Variants in ATG7 observed in about 807,000 individuals in gnomAD.
ATG7 encodes autophagy related 7.
ATG7 carries 70 observed loss-of-function variants against 82.4 expected under a neutral mutation model. The observed-to-expected ratio is 0.85, with a 90% CI of 0.70 to 1.04. The LOEUF (loss-of-function observed/expected upper bound fraction) is 1.04. Ranked by LOEUF, ATG7 falls within the 50% of genes least tolerant of loss-of-function variation. ATG7 has a pLI of 0.00. For missense variants in ATG7, 792 were observed against 864.3 expected, an observed-to-expected ratio of 0.92 and a Z score of 1.05; for synonymous variants, 287 against 313.0, an observed-to-expected ratio of 0.92 and a Z score of 0.88.
At chr3:11,355,416 A>G (rs1372851499) in intron 14 of ATG7, among the ~76,000 whole-genome samples, 1 of 152,232 alleles carries the variant, frequency 6.6e-6, no homozygotes, top group Admixed American at 6.5e-5. Context: ...TCTGCTTCTC[A>G]AAAGATGCCT....
chr3:11,540,623 A>T (rs2070733914), intron 20 of ATG7, among the ~76,000 whole-genome samples: 1 of 142,066 alleles, frequency 7.0e-6, no homozygotes, highest in African/African-American at 2.7e-5. Flanking sequence ...CTAGGGCAAC[A>T]CAGTGACACC....
chr3:11,511,646 G>T (rs1336554646), intron 20 of ATG7, among the ~76,000 whole-genome samples: 1 of 152,206 alleles, frequency 6.6e-6, no homozygotes, highest in Non-Finnish European at 1.5e-5. Context: ...GTGAGCAGGG[G>T]GTGGTGCTCG....
rs891107128 is a variant in ATG7 at position 11,488,547 on chromosome 3, C to G, written c.2079+61621C>G. 3.0e-6 allele frequency: 3 copies of G among 1,014,592 alleles called. No homozygotes were observed. In the African/African-American group the frequency reaches 5.1e-5, roughly 17 times the overall value. 62.8% of individuals were successfully genotyped at this position (1,014,592 alleles called of 1,614,324 possible). A position where few individuals can be genotyped will look rare whatever the true frequency, so the allele number is the denominator to read the frequency against. The stretch of plus-strand genomic sequence containing the variant: ...CGCACTGCCCCGGGCCGCAGCGCAG[C>G]GGCGCCAACCACCACCCGCGGCCAC... On this transcript the variant is annotated intron_variant, in intron 20 of 20. Transcript: ENST00000693202.
chr3:11,426,791 A>C lies in ATG7; in HGVS notation c.1957-13A>C, dbSNP rs202058873. On this transcript the variant is annotated splice_polypyrimidine_tract_variant and intron_variant, in intron 19 of 20. Coordinates refer to ENST00000693202, the MANE Select transcript of ATG7 (RefSeq NM_001349232.2). ...CTGGAGACTCCTTTTTAAAAAATGTAAATGTTTTACAGGTTCTTGATCAAT... is the reference window on the plus strand; with the variant it reads ...CTGGAGACTCCTTTTTAAAAAATGTCAATGTTTTACAGGTTCTTGATCAAT... The C allele has an allele frequency of 1.9e-6, 3 of 1,556,230 alleles. No homozygotes were observed. In the South Asian group the frequency reaches 3.7e-5, roughly 19 times the overall value.
At chr3:11,388,432 C>CT (rs111590381) in intron 19 of ATG7, among the ~76,000 whole-genome samples, 4,883 of 137,494 alleles carry the variant, frequency 0.036, 90 homozygotes, top group Middle Eastern at 0.074. Context: ...CATGTTCCTT[C>CT]TTTTTTTTTT....
At chr3:11,419,298 A>G (rs1000911432) in intron 19 of ATG7, among the ~76,000 whole-genome samples, 1 of 152,178 alleles carries the variant, frequency 6.6e-6, no homozygotes, top group Non-Finnish European at 1.5e-5. Context: ...AACACCTGTA[A>G]TCCCAGCACT....
rs557713175 is a variant in ATG7 at position 11,495,636 on chromosome 3, G to A, written c.2080-59175G>A. ...TAGACTTAATGATCCACCTATGGCC[G>A]TATTTGAGGTTTCACATTTCTCCTA... On this transcript the variant is annotated intron_variant, in intron 20 of 20. Transcript: ENST00000693202. 3.5e-4 allele frequency among the ~76,000 whole-genome samples: 51 copies of A among 147,634 alleles called. 2 individuals carry two copies. In the Middle Eastern group the frequency reaches 0.02, roughly 59 times the overall value.
intron 19 of ATG7, among the ~76,000 whole-genome samples, chr3:11,402,416 G>C (rs1311262003): frequency 6.6e-6 from 1 of 152,118 alleles, no homozygotes; most frequent in Non-Finnish European, 1.5e-5. Context: ...CTGGGCAATA[G>C]AGTGAGACTC....
intron 19 of ATG7, among the ~76,000 whole-genome samples, chr3:11,425,544 C>T (rs1463778806): frequency 2.0e-5 from 3 of 152,178 alleles, no homozygotes; most frequent in Non-Finnish European, 4.4e-5. Flanking sequence ...TCTGGTTCAG[C>T]GTTCTACGTT....
At chr3:11,559,710 T>C (rs1208034148), downstream of ATG7, among the ~76,000 whole-genome samples, 1 of 152,190 alleles carries the variant, frequency 6.6e-6, no homozygotes, top group Non-Finnish European at 1.5e-5. Context: ...AAAGCTCAAC[T>C]GTTGAGTTGG....
At chr3:11,327,217 A>G (rs775358138) in intron 9 of ATG7, among the ~76,000 whole-genome samples, 11 of 152,262 alleles carry the variant, frequency 7.2e-5, no homozygotes, top group Non-Finnish European at 1.5e-4. Flanking sequence ...ACAGAGAGTT[A>G]TAAACCAGCA....
the ATG7 span, among the ~76,000 whole-genome samples, chr3:11,568,039 G>T: frequency 6.6e-6 from 1 of 152,160 alleles, no homozygotes; most frequent in Non-Finnish European, 1.5e-5. The surrounding 1 kb of genome is among the most constrained non-coding windows in gnomAD (Gnocchi z 5.9). Context: ...AGAACTGCAG[G>T]GTTACAGCCC....
chr3:11,529,245 C>G (rs1490673191), intron 20 of ATG7, among the ~76,000 whole-genome samples: 1 of 152,032 alleles, frequency 6.6e-6, no homozygotes, highest in African/African-American at 2.4e-5. Context: ...TAAGACTTAA[C>G]AAATAAATAT....
intron 20 of ATG7, among the ~76,000 whole-genome samples, chr3:11,492,546 T>A (rs1351930143): frequency 7.1e-6 from 1 of 140,866 alleles, no homozygotes; most frequent in Non-Finnish European, 1.6e-5. Context: ...GGGTTCCCTG[T>A]TTACTCAGTC....
chr3:11,316,532 T>C (rs2152727296), intron 9 of ATG7, among the ~76,000 whole-genome samples: 1 of 152,366 alleles, frequency 6.6e-6, no homozygotes, highest in South Asian at 2.1e-4. Flanking sequence ...TCTATCCCTA[T>C]CTGAAGTCAC....
At chr3:11,538,615 G>A (rs968956693) in intron 20 of ATG7, among the ~76,000 whole-genome samples, 1 of 148,994 alleles carries the variant, frequency 6.7e-6, no homozygotes, top group African/African-American at 2.5e-5. Context: ...GGCCAAGGCA[G>A]GCAGGTTGCT....
intron 19 of ATG7, among the ~76,000 whole-genome samples, chr3:11,401,055 G>A (rs1335761256): frequency 2.0e-5 from 3 of 152,202 alleles, no homozygotes; most frequent in Non-Finnish European, 4.4e-5. Context: ...AGATGTAGCA[G>A]GCATTTTCAA....
At chr3:11,472,504 T>C (rs553381936) in intron 20 of ATG7, among the ~76,000 whole-genome samples, 10 of 152,298 alleles carry the variant, frequency 6.6e-5, no homozygotes, top group African/African-American at 2.4e-4. Flanking sequence ...AGGGGTGGAA[T>C]AGTCCCACCT....
chr3:11,442,486 G>A (rs1032700884), intron 20 of ATG7, among the ~76,000 whole-genome samples: 1 of 151,874 alleles, frequency 6.6e-6, no homozygotes, highest in African/African-American at 2.4e-5. Context: ...GCCTTTGAAC[G>A]TAAATATCTT....
Sources: gnomAD v4.1 joint callset for allele counts (sites outside exome capture counted in the v4.1 genomes callset) on GRCh38, gnomAD v4.1.1 for gene constraint, Gnocchi (gnomAD v3.1) non-coding constraint, MANE v1.5 for transcripts, NCBI Gene and HGNC (gene_info 2026-07-23, HGNC 2026-07-21) for gene names.